Variants in NEK8 observed in about 807,000 individuals in gnomAD.
The protein encoded by NEK8 is serine/threonine-protein kinase Nek8.
Under a neutral mutation model 77.2 loss-of-function variants are expected in NEK8, and 51 were observed. The observed-to-expected ratio is 0.66, with a 90% CI of 0.53 to 0.83. The LOEUF (loss-of-function observed/expected upper bound fraction) is 0.83. Ranked by LOEUF, NEK8 falls within the 40% of genes least tolerant of loss-of-function variation. The probability of loss-of-function intolerance (pLI) is 0.00; values close to 1 mark genes in which losing one functional copy is unlikely to be tolerated. For missense variants in NEK8, 787 were observed against 909.2 expected (o/e 0.87, Z 1.73); for synonymous variants, 365 against 363.2 (o/e 1.00, Z -0.06).
chr17:28,734,942 G>C lies in NEK8; in HGVS notation c.424G>C (p.Val142Leu). ...QNILLDKHRM[V>L]VKIGDFGISK... ...CATCCTGCTTGACAAACACCGCATGGTCGTCAAGATCGGTGATTTCGGCAT... is the reference window on the plus strand; with the variant it reads ...CATCCTGCTTGACAAACACCGCATGCTCGTCAAGATCGGTGATTTCGGCAT... Residue 142 changes from valine to leucine, a missense_variant, in exon 3 of 15, where the codon GTC becomes CTC. By Grantham distance (32) the Val-to-Leu change is conservative. Transcript: ENST00000268766. The C allele has an allele frequency of 6.2e-7, 1 of 1,613,626 alleles. No individual in the cohort carries two copies. The highest frequency in any genetic ancestry group is 8.5e-7 in the Non-Finnish European group (1 of 1,179,998).
Position 28,741,670 on chromosome 17 carries a change from CT to C in NEK8, c.2050+102del. The C allele has an allele frequency of 7.3e-7, 1 of 1,362,792 alleles. No homozygotes were observed. Among genetic ancestry groups the C allele is most frequent in the Non-Finnish European group, 1.0e-6 (1 of 956,444 alleles). The allele number at this position is 1,362,792 out of a possible 1,614,324, so 84.4% of individuals were successfully genotyped here. On this transcript the variant is annotated intron_variant, in intron 14 of 14. Transcript: ENST00000268766. The surrounding 1 kb of genome is among the most constrained non-coding windows in gnomAD (Gnocchi z 4.5). ...CAGATGGCCACATCACCAAAAGCAT[CT>C]TTAGCCCCCAGATAAAAAAAGCAGA...
intron 1 of NEK8, among the ~76,000 whole-genome samples, chr17:28,731,531 CCTT>C (rs1351017863): frequency 5.9e-5 from 9 of 151,948 alleles, no homozygotes; most frequent in African/African-American, 1.7e-4. Flanking sequence ...GAGTGAGACT[CCTT>C]CTCAAAAATA....
Position 28,741,937 on chromosome 17 carries a change from G to A in NEK8, c.2051-22G>A, listed in dbSNP as rs780136119. The A allele has an allele frequency of 1.2e-6, 2 of 1,614,020 alleles. No individual in the cohort carries two copies. On this transcript the variant is annotated intron_variant, in intron 14 of 14. Coordinates refer to ENST00000268766, the MANE Select transcript of NEK8 (RefSeq NM_178170.3). This position sits in a 1 kb window ranked among gnomAD's most constrained non-coding sequence, Gnocchi z 4.5. ...GGCACTGCCCTCAGAAGCTGCAAGG[G>A]TTTCTCTTCGGTACCCTCCAGCGGT...
intron 1 of NEK8, among the ~76,000 whole-genome samples, chr17:28,729,244 T>C (rs1472348126): frequency 1.3e-5 from 2 of 152,224 alleles, no homozygotes; most frequent in Non-Finnish European, 2.9e-5. Flanking sequence ...AAGTAAGAAG[T>C]TATAGCAGTT....
At position 28,740,914 on chromosome 17, in the gene NEK8, G is replaced by A. The variant is rs938959107; in HGVS notation, c.1661G>A (p.Gly554Asp). The A allele has an allele frequency of 2.5e-6, 4 of 1,614,102 alleles. No homozygotes were observed. The highest frequency in any genetic ancestry group is 3.4e-6 in the Non-Finnish European group (4 of 1,180,014). ...GAGGCCCTGAGCTTCACACTACTAG[G>A]CTCTGCACCCCTGGACCAGGAGCCT... ...VEEALSFTLL[G>D]SAPLDQEPLL... The change falls in exon 12 of 15, where the codon GGC becomes GAC. Residue 554 changes from glycine (G) to aspartate (D), a missense_variant. Physicochemically the swap from Gly to Asp is moderately conservative, Grantham distance 94 (BLOSUM62 -1). Coordinates refer to ENST00000268766, the MANE Select transcript of NEK8 (RefSeq NM_178170.3). The surrounding 1 kb of genome is among the most constrained non-coding windows in gnomAD (Gnocchi z 4.7).
chr17:28,740,369 A>T lies in NEK8; in HGVS notation c.1418-94A>T. 2.9e-6 allele frequency: 3 copies of T among 1,026,514 alleles called. No homozygotes were observed. Among genetic ancestry groups the T allele is most frequent in the Non-Finnish European group, 4.6e-6 (3 of 645,216 alleles). 63.6% of individuals were successfully genotyped at this position (1,026,514 alleles called of 1,614,324 possible). A position where few individuals can be genotyped will look rare whatever the true frequency, so the allele number is the denominator to read the frequency against. On this transcript the variant is annotated intron_variant, in intron 10 of 14. Coordinates refer to ENST00000268766, the MANE Select transcript of NEK8 (RefSeq NM_178170.3). The surrounding 1 kb of genome is among the most constrained non-coding windows in gnomAD (Gnocchi z 4.7). ...GCATTTGGGACTGAGAGAACAGAGA[A>T]CTCATGCTGTTCCCTCCCCTCAGTG...
In NEK8 at chr17:28,737,939, T is replaced by G; in HGVS notation, c.1010T>G (p.Val337Gly). ...ATGCTCAACACAGAGGTGGTCCAGG[T>G]GGCAGCTGGGCGCACGCAGAAAGCC... The part of the protein sequence containing the change: ...LPMLNTEVVQ[V>G]AAGRTQKAGV... Residue 337 changes from valine to glycine, a missense_variant, in exon 7 of 15, where the codon GTG (valine) becomes GGG (glycine). Coordinates refer to ENST00000268766, the MANE Select transcript of NEK8 (RefSeq NM_178170.3). The surrounding 1 kb of genome is among the most constrained non-coding windows in gnomAD (Gnocchi z 4.8). The G allele has an allele frequency of 3.1e-6, 5 of 1,613,116 alleles. No homozygotes were observed. The highest frequency in any genetic ancestry group is 4.2e-6 in the Non-Finnish European group (5 of 1,179,426).
chr17:28,732,490 G>T (rs1378611842), intron 1 of NEK8, among the ~76,000 whole-genome samples: 1 of 150,994 alleles, frequency 6.6e-6, no homozygotes, highest in Non-Finnish European at 1.5e-5. Flanking sequence ...GTAGAAATAG[G>T]ATTTGCTTGT....
At position 28,737,671 on chromosome 17, in the gene NEK8, G is replaced by A; in HGVS notation, c.828-4G>A. ...TTGTCCTTAGGCCCCCATCTGTCCT[G>A]CAGGGCAGAGAAGTCCGTGGCCCCC... On this transcript the variant is annotated splice_region_variant and splice_polypyrimidine_tract_variant and intron_variant, in intron 5 of 14. Coordinates refer to ENST00000268766, the MANE Select transcript of NEK8 (RefSeq NM_178170.3). The surrounding 1 kb of genome is among the most constrained non-coding windows in gnomAD (Gnocchi z 4.8). 1 of 1,614,190 alleles carries A rather than the reference G, an allele frequency of 6.2e-7. No individual in the cohort carries two copies. The highest frequency in any genetic ancestry group is 8.5e-7 in the Non-Finnish European group (1 of 1,180,030).
Position 28,737,521 on chromosome 17 carries a change from G to A in NEK8, c.827+7G>A. On this transcript the variant is annotated splice_region_variant and intron_variant, in intron 5 of 14. Transcript: ENST00000268766. This position sits in a 1 kb window ranked among gnomAD's most constrained non-coding sequence, Gnocchi z 4.8. ...GCAGTGTCCGCATGCGGAGGCCTGT[G>A]CAGGGACAGCGAGCGGTCCTGGGCG... is the stretch of plus-strand genomic sequence containing the variant. 6.2e-7 allele frequency: 1 copy of A among 1,613,030 alleles called. No individual in the cohort carries two copies. The highest frequency in any genetic ancestry group is 8.5e-7 in the Non-Finnish European group (1 of 1,179,776).
At position 28,737,337 on chromosome 17, in the gene NEK8, G is replaced by C. The variant is rs779777153; in HGVS notation, c.650G>C (p.Ser217Thr). The C allele has an allele frequency of 2.2e-5, 36 of 1,613,662 alleles. No individual in the cohort carries two copies. In the South Asian group the frequency reaches 3.4e-4, roughly 15 times the overall value. ...CCAGCACTGGTGCTGAAGATCATGA[G>C]TGGCACCTTTGCACCTATCTCTGAC... Reference protein sequence around the residue: ...NLPALVLKIMSGTFAPISDRY... With the variant: ...NLPALVLKIMTGTFAPISDRY... The change falls in exon 5 of 15, where the codon AGT becomes ACT. Residue 217 changes from serine (S) to threonine (T), a missense_variant. By Grantham distance (58) the Ser-to-Thr change is moderately conservative. Around this residue, in one of 2 missense-constraint regions of NEK8, gnomAD observed 271 missense variants for 365.1 expected, o/e 0.74. Transcript: ENST00000268766. The surrounding 1 kb of genome is among the most constrained non-coding windows in gnomAD (Gnocchi z 4.8).
At position 28,739,182 on chromosome 17, in the gene NEK8, C is replaced by T; in HGVS notation, c.1398C>T (p.Ala466=). Residue 466 remains alanine, a synonymous_variant, in exon 10 of 15, where the codon GCC becomes GCT. Coordinates refer to ENST00000268766, the MANE Select transcript of NEK8 (RefSeq NM_178170.3). ...TGTCCACTGAGCGAGAACTATTTGC[C>T]TGGGGCCGTGGAGACAGCGGTAAGC... ...LALSTERELF[A]WGRGDSGRLG... is the part of the protein sequence containing the mutation. 1 of 1,613,730 alleles carries T rather than the reference C, an allele frequency of 6.2e-7. No homozygotes were observed. Among genetic ancestry groups the T allele is most frequent in the Middle Eastern group, 1.7e-4 (1 of 6,060 alleles).
In NEK8 at chr17:28,740,998, T is replaced by G. The variant is rs763923589; in HGVS notation, c.1732+13T>G. ...GCTGCTGTGACTGGTGAGGAGGACT[T>G]GGGCTCTGGAGGTCAGAGGGGGACT... is the stretch of plus-strand genomic sequence containing the variant. On this transcript the variant is annotated intron_variant, in intron 12 of 14. Coordinates refer to ENST00000268766, the MANE Select transcript of NEK8 (RefSeq NM_178170.3). This position sits in a 1 kb window ranked among gnomAD's most constrained non-coding sequence, Gnocchi z 4.7. 14 of 1,614,030 alleles carry G rather than the reference T, an allele frequency of 8.7e-6. No homozygotes were observed. The East Asian group carries it at 3.1e-4, about 36-fold the overall frequency.
Position 28,734,922 on chromosome 17 carries a change from TGCTTGACAAACACC to T in NEK8, c.407_420del (p.Leu136HisfsTer7), listed in dbSNP as rs1343076281. 1 of 1,613,558 alleles carries T rather than the reference TGCTTGACAAACACC, an allele frequency of 6.2e-7. No homozygotes were observed. Among genetic ancestry groups the T allele is most frequent in the East Asian group, 2.2e-5 (1 of 44,852 alleles). On this transcript the variant is annotated frameshift_variant, in exon 3 of 15. Coordinates refer to ENST00000268766, the MANE Select transcript of NEK8 (RefSeq NM_178170.3). LOFTEE classifies it high-confidence loss of function. ...CGAGACCTCAAGACCCAGAACATCC[TGCTTGACAAACACC>T]GCATGGTCGTCAAGATCGGTGATTT...
At position 28,735,232 on chromosome 17, in the gene NEK8, T is replaced by C; in HGVS notation, c.487-8T>C. The C allele has an allele frequency of 6.2e-7, 1 of 1,613,986 alleles. No homozygotes were observed. The highest frequency in any genetic ancestry group is 8.5e-7 in the Non-Finnish European group (1 of 1,179,980). On this transcript the variant is annotated splice_polypyrimidine_tract_variant and splice_region_variant and intron_variant, in intron 3 of 14. Coordinates refer to ENST00000268766, the MANE Select transcript of NEK8 (RefSeq NM_178170.3). ...TGCAGGGCTGTGATCCCAGCTTCTATCCTGCAGGTGGTGGGTACCCCATGC... is the reference window on the plus strand; with the variant it reads ...TGCAGGGCTGTGATCCCAGCTTCTACCCTGCAGGTGGTGGGTACCCCATGC...
intron 1 of NEK8, among the ~76,000 whole-genome samples, chr17:28,729,319 G>A (rs1230219802): frequency 6.6e-6 from 1 of 152,120 alleles, no homozygotes; most frequent in Non-Finnish European, 1.5e-5. Flanking sequence ...TATATGAGAT[G>A]GTCAAGGAAG....
In NEK8 at chr17:28,741,590, C is replaced by T. The variant is rs1197011587; in HGVS notation, c.2050+19C>T. Reference sequence around the variant, plus strand: ...GTTCGATGTGAGTTGTAACTTTTCCCACTTCACCACACAGCCCAGCTGGCC... The same window carrying T: ...GTTCGATGTGAGTTGTAACTTTTCCTACTTCACCACACAGCCCAGCTGGCC... On this transcript the variant is annotated intron_variant, in intron 14 of 14. Transcript: ENST00000268766. The surrounding 1 kb of genome is among the most constrained non-coding windows in gnomAD (Gnocchi z 4.5). 1.9e-6 allele frequency: 3 copies of T among 1,613,620 alleles called. No homozygotes were observed. Among genetic ancestry groups the T allele is most frequent in the Non-Finnish European group, 2.5e-6 (3 of 1,179,814 alleles).
intron 1 of NEK8, among the ~76,000 whole-genome samples, chr17:28,731,908 A>ATTTTTTTTTTTTTTTTTT (rs71135844): frequency 1.9e-5 from 1 of 52,512 alleles, no homozygotes. Context: ...CCTGGCCCCA[A>ATTTTTTTTTTTTTTTTTT]TTTTTTTTTT....
intron 3 of NEK8, 72 bp downstream of exon 3, chr17:28,735,076 C>G: frequency 6.7e-7 from 1 of 1,503,312 alleles, no homozygotes. Context: ...TGCCTCCTCC[C>G]CTCCCCCTAA....
Sources: gnomAD v4.1 joint callset for allele counts (sites outside exome capture counted in the v4.1 genomes callset) on GRCh38, gnomAD v4.1.1 for gene constraint, gnomAD v4.1.1 regional missense constraint, Gnocchi (gnomAD v3.1) non-coding constraint, MANE v1.5 for transcripts, NCBI Gene and HGNC (gene_info 2026-07-23, HGNC 2026-07-21) for gene names.